The following CTTNBP2 variants were observed in gnomAD, a reference collection of about 807,000 sequenced individuals.
CTTNBP2 encodes the protein cortactin binding protein 2.
Under a neutral mutation model 156.9 loss-of-function variants are expected in CTTNBP2, and 108 were observed. The ratio of observed to expected loss-of-function variants is 0.69; its 90% CI spans 0.59 to 0.81. CTTNBP2 has a LOEUF of 0.81. CTTNBP2 is among the 30% of genes least tolerant of loss of function. CTTNBP2 has a pLI of 0.00. For missense variants in CTTNBP2, 1,924 were observed against 2,035.4 expected, an observed-to-expected ratio of 0.95 and a Z score of 1.05; for synonymous variants, 767 against 751.8, an observed-to-expected ratio of 1.02 and a Z score of -0.33.
chr7:117,718,065 C>T lies in CTTNBP2; in HGVS notation c.4699G>A (p.Val1567Ile), dbSNP rs202109458. Residue 1567 changes from valine (V) to isoleucine (I), a missense_variant, in exon 22 of 23, where the codon GTA (valine) becomes ATA (isoleucine). By Grantham distance (29) the Val-to-Ile change is conservative. Coordinates refer to ENST00000160373, the MANE Select transcript of CTTNBP2 (RefSeq NM_033427.3). ...AGATTATTAATAGTTGCTGAAAGTA[C>T]AGGGTTGTTTCCAGAACTATCAAAC... ...RMFDSSGNNP[V>I]LSATINNLRM... 6.2e-7 allele frequency: 1 copy of T among 1,613,502 alleles called. No individual in the cohort carries two copies. Among genetic ancestry groups the T allele is most frequent in the East Asian group, 2.2e-5 (1 of 44,860 alleles).
intron 9 of CTTNBP2, among the ~76,000 whole-genome samples, chr7:117,765,739 C>A (rs1797450261): frequency 6.6e-6 from 1 of 152,148 alleles, no homozygotes; most frequent in South Asian, 2.1e-4. Context: ...CTTTTTGATG[C>A]TTGATCTGTT....
At chr7:117,777,905 T>C in intron 7 of CTTNBP2, 140 bp from the exon 8 acceptor site, 1 of 759,946 alleles carries the variant, frequency 1.3e-6, no homozygotes, top group Non-Finnish European at 2.2e-6. Context: ...CTGAACATTA[T>C]CACTGATGAG....
At chr7:117,741,641 C>T (rs1040161421) in intron 14 of CTTNBP2, among the ~76,000 whole-genome samples, 9 of 152,146 alleles carry the variant, frequency 5.9e-5, no homozygotes, top group South Asian at 2.1e-4. Context: ...TATTTGGAGA[C>T]GACATACCAT....
rs140509686 is a variant in CTTNBP2, at chr7:117,746,048, C to T, written c.3400G>A (p.Asp1134Asn). The change falls in exon 13 of 23, where the codon GAC becomes AAC. Residue 1134 changes from aspartate (D) to asparagine (N), a missense_variant. Physicochemically the swap from Asp to Asn is conservative, Grantham distance 23 (BLOSUM62 1). Transcript: ENST00000160373. ...AGTGCAAGCTGATGTACTATGTAGT[C>T]TTGCAAGCTTCCTTCTGGGCCGTGG... ...IFHGPEGSLQ[D>N]YIVHQLALCL... is the part of the protein sequence containing the mutation. 7.4e-6 allele frequency: 12 copies of T among 1,614,114 alleles called. No individual in the cohort carries two copies. The highest frequency in any genetic ancestry group is 1.0e-5 in the Non-Finnish European group (12 of 1,179,964).
chr7:117,713,428 T>G (rs1175431598), intron 22 of CTTNBP2, among the ~76,000 whole-genome samples: 1 of 152,208 alleles, frequency 6.6e-6, no homozygotes, highest in Non-Finnish European at 1.5e-5. Flanking sequence ...CAATACTAAT[T>G]TCTAAAGCCT....
Position 117,791,194 on chromosome 7 carries a change from TGGAAGAGCAAAA to T in CTTNBP2, c.1990_2001del (p.Phe664_Ser667del). 6.2e-7 allele frequency: 1 copy of T among 1,614,170 alleles called. No homozygotes were observed. Among genetic ancestry groups the T allele is most frequent in the Non-Finnish European group, 8.5e-7 (1 of 1,180,038 alleles). On this transcript the variant is annotated inframe_deletion, in exon 4 of 23. Transcript: ENST00000160373. ...CAGGATGAGGCACTAACGGGGTTTA[TGGAAGAGCAAAA>T]GGCAATGGTGGTAGGAATGACAAGG...
At chr7:117,803,796 C>G (rs1799766510) in intron 3 of CTTNBP2, among the ~76,000 whole-genome samples, 1 of 151,970 alleles carries the variant, frequency 6.6e-6, no homozygotes. Context: ...CAATAATATT[C>G]TTGAAGAAAT....
Position 117,834,057 on chromosome 7 carries a change from CTT to C in CTTNBP2, c.190-23070_190-23069del, listed in dbSNP as rs66655327. Among the ~76,000 whole-genome samples, 82 of 146,736 alleles carry C rather than the reference CTT, an allele frequency of 5.6e-4. 2 individuals are homozygous for C. Among genetic ancestry groups the C allele is most frequent in the African/African-American group, 2.0e-3 (78 of 39,958 alleles). ...GAACATATTTTCTTTTTTCTTTCTT[CTT>C]TTTTTTTTTTGAAATGTAGTTTTAC... On this transcript the variant is annotated intron_variant, in intron 2 of 22. Coordinates refer to ENST00000160373, the MANE Select transcript of CTTNBP2 (RefSeq NM_033427.3).
intron 9 of CTTNBP2, among the ~76,000 whole-genome samples, chr7:117,762,806 A>AAC (rs1228585244): frequency 6.6e-6 from 1 of 152,132 alleles, no homozygotes; most frequent in African/African-American, 2.4e-5. Flanking sequence ...CCTGCACTCA[A>AAC]ACACTGAAAT....
chr7:117,790,855 T>C (rs79038827), intron 4 of CTTNBP2, among the ~76,000 whole-genome samples: 4,569 of 152,280 alleles, frequency 0.03, 89 homozygotes, highest in East Asian at 0.062. Flanking sequence ...TCTAAATTAA[T>C]GGTCTCCATG....
chr7:117,751,869 T>C (rs1164231901), intron 12 of CTTNBP2, among the ~76,000 whole-genome samples: 1 of 152,214 alleles, frequency 6.6e-6, no homozygotes, highest in Non-Finnish European at 1.5e-5. Flanking sequence ...TTTTCTGCTT[T>C]AGACCTTTTC....
At chr7:117,766,917 T>G (rs552486939) in intron 9 of CTTNBP2, 142 bp downstream of exon 9, 2 of 618,758 alleles carry the variant, frequency 3.2e-6, no homozygotes, top group Admixed American at 2.5e-5. Flanking sequence ...ATTATCACAC[T>G]TACAGTCAGT....
rs1216010408 is a variant in CTTNBP2 at position 117,711,149 on chromosome 7, CTTT to C, written c.*385_*387del. 2 of 154,344 alleles carry C rather than the reference CTTT, an allele frequency of 1.3e-5. No homozygotes were observed. The highest frequency in any genetic ancestry group is 2.9e-5 in the Non-Finnish European group (2 of 69,314). The allele number at this position is 154,344 out of a possible 1,614,324, so 9.6% of individuals were successfully genotyped here. On this transcript the variant is annotated 3_prime_UTR_variant, in exon 23 of 23. Transcript: ENST00000160373. ...AAGCCAACTTTGTACTTTTTTGCTACTTTTTTGTAGCATGTATGCAGTATGATT... is the reference window on the plus strand; with the variant it reads ...AAGCCAACTTTGTACTTTTTTGCTACTTTGTAGCATGTATGCAGTATGATT...
intron 22 of CTTNBP2, among the ~76,000 whole-genome samples, chr7:117,716,926 C>G (rs1794412897): frequency 6.6e-6 from 1 of 152,198 alleles, no homozygotes; most frequent in Non-Finnish European, 1.5e-5. Flanking sequence ...TCTCACCATG[C>G]TTACTTTATA....
chr7:117,786,647 G>A (rs1181954507), intron 4 of CTTNBP2, among the ~76,000 whole-genome samples: 1 of 152,152 alleles, frequency 6.6e-6, no homozygotes, highest in Non-Finnish European at 1.5e-5. Context: ...TCTCATCCAA[G>A]GGGTCTTGGT....
At chr7:117,832,907 C>T (rs767592424) in intron 2 of CTTNBP2, among the ~76,000 whole-genome samples, 7 of 98,996 alleles carry the variant, frequency 7.1e-5, no homozygotes, top group African/African-American at 2.9e-4. Flanking sequence ...CCACCACACC[C>T]GGCTTTTTTT....
At chr7:117,793,808 T>A (rs1490209834) in intron 3 of CTTNBP2, among the ~76,000 whole-genome samples, 1 of 152,218 alleles carries the variant, frequency 6.6e-6, no homozygotes, top group East Asian at 1.9e-4. Flanking sequence ...TTCAAAGCCT[T>A]TCTTTCTCCA....
At chr7:117,746,967 C>T (rs1021860331) in intron 12 of CTTNBP2, among the ~76,000 whole-genome samples, 4 of 152,166 alleles carry the variant, frequency 2.6e-5, no homozygotes, top group South Asian at 2.1e-4. Flanking sequence ...GCAAAGGCAG[C>T]GATGTCTTGA....
At chr7:117,777,120 A>G (rs1463553936) in intron 8 of CTTNBP2, among the ~76,000 whole-genome samples, 2 of 152,208 alleles carry the variant, frequency 1.3e-5, no homozygotes. Flanking sequence ...CTCAGGGTAC[A>G]GGGCAAGAGA....
Sources: gnomAD v4.1 joint callset for allele counts (sites outside exome capture counted in the v4.1 genomes callset) on GRCh38, gnomAD v4.1.1 for gene constraint, MANE v1.5 for transcripts, NCBI Gene and HGNC (gene_info 2026-07-23, HGNC 2026-07-21) for gene names.